The following COLEC11 variants were observed in gnomAD, a reference collection of about 807,000 sequenced individuals.
COLEC11 encodes collectin subfamily member 11.
In COLEC11, 20 loss-of-function variants were observed where a neutral mutation model predicts 27.3. The observed-to-expected ratio is 0.73, with a 90% confidence interval of 0.51 to 1.06. The LOEUF is 1.06. Ranked by LOEUF, COLEC11 falls within the 50% of genes least tolerant of loss-of-function variation. The pLI is 0.00. For synonymous variants in COLEC11, 163 were observed against 154.7 expected, an observed-to-expected ratio of 1.05 and a Z score of -0.40; for missense variants, 310 against 383.0, an observed-to-expected ratio of 0.81 and a Z score of 1.59.
intron 3 of COLEC11, among the ~76,000 whole-genome samples, chr2:3,626,745 A>G (rs1664584720): frequency 6.6e-6 from 1 of 152,248 alleles, no homozygotes; most frequent in African/African-American, 2.4e-5. Flanking sequence ...AGAGAATGGA[A>G]TATGTTTACA....
chr2:3,595,312 A>G (rs1303314996), intron 1 of COLEC11, 144 bp downstream of exon 1: 1 of 181,830 alleles, frequency 5.5e-6, no homozygotes, highest in Non-Finnish European at 1.2e-5. Context: ...GATCCAGGCA[A>G]AAGATTGAGT....
At chr2:3,624,118 G>A (rs1454867637) in intron 3 of COLEC11, among the ~76,000 whole-genome samples, 1 of 152,184 alleles carries the variant, frequency 6.6e-6, no homozygotes, top group East Asian at 1.9e-4. Context: ...GGCAGTCTAG[G>A]TGCTACTAGC....
intron 3 of COLEC11, among the ~76,000 whole-genome samples, chr2:3,615,860 C>T (rs1217816040): frequency 7.6e-6 from 1 of 131,242 alleles, no homozygotes; most frequent in East Asian, 2.1e-4. Flanking sequence ...GGGCTGCCCC[C>T]CACCTCCCTC....
chr2:3,638,067 G>C (rs1407039025), intron 4 of COLEC11, among the ~76,000 whole-genome samples: 1 of 152,222 alleles, frequency 6.6e-6, no homozygotes, highest in East Asian at 1.9e-4. Flanking sequence ...AGCGGGTGTG[G>C]GCAGCAACTA....
intron 1 of COLEC11, among the ~76,000 whole-genome samples, chr2:3,598,674 A>G (rs1030991411): frequency 2.0e-5 from 3 of 150,706 alleles, no homozygotes; most frequent in African/African-American, 7.5e-5. Flanking sequence ...GGGCACAGGC[A>G]GCGGGTGAGG....
chr2:3,630,170 T>C (rs1026471016), intron 3 of COLEC11, among the ~76,000 whole-genome samples: 16 of 152,308 alleles, frequency 1.1e-4, no homozygotes, highest in Admixed American at 5.2e-4. Flanking sequence ...TGTATGCATA[T>C]AGATGTCTGT....
chr2:3,596,903 C>A (rs1661873629), intron 1 of COLEC11, among the ~76,000 whole-genome samples: 1 of 152,262 alleles, frequency 6.6e-6, no homozygotes, highest in Admixed American at 6.5e-5. Flanking sequence ...CCTGGGTGCC[C>A]TCACCCTGTG....
At chr2:3,636,705 G>A (rs1665439778) in intron 3 of COLEC11, among the ~76,000 whole-genome samples, 1 of 152,230 alleles carries the variant, frequency 6.6e-6, no homozygotes, top group Admixed American at 6.5e-5. Flanking sequence ...ATAACCAGCA[G>A]ACAGGTAGGA....
Position 3,643,470 on chromosome 2 carries a change from C to T in COLEC11, c.355C>T (p.Arg119Cys), listed in dbSNP as rs1286607074. Reference protein sequence around the residue: ...PGLPCECSQLRKAIGEMDNQV... With the variant: ...PGLPCECSQLCKAIGEMDNQV... Reference sequence around the variant, plus strand: ...CCTCCCATGTGAGTGCAGCCAGCTGCGCAAGGCCATCGGGGAGATGGACAA... The same window carrying T: ...CCTCCCATGTGAGTGCAGCCAGCTGTGCAAGGCCATCGGGGAGATGGACAA... Residue 119 changes from arginine (R) to cysteine (C), a missense_variant, in exon 6 of 7, where the codon CGC becomes TGC. By Grantham distance (180) the Arg-to-Cys change is radical. Coordinates refer to ENST00000349077, the MANE Select transcript of COLEC11 (RefSeq NM_024027.5). 9 of 1,613,684 alleles carry T rather than the reference C, an allele frequency of 5.6e-6. No individual in the cohort carries two copies. The highest frequency in any genetic ancestry group is 3.3e-5 in the Admixed American group (2 of 60,018).
chr2:3,601,185 G>A lies in COLEC11; in HGVS notation c.-26-3130G>A, dbSNP rs573103819. On this transcript the variant is annotated intron_variant, in intron 1 of 6. Transcript: ENST00000349077. ...GCCTCGGCGTGGTGGCAGTGGAGCC[G>A]GGATTTGAGTAGGGTCGCCGTGGAC... Among the ~76,000 whole-genome samples, 8 of 152,356 alleles carry A rather than the reference G, an allele frequency of 5.3e-5. No homozygotes were observed. In the East Asian group the frequency reaches 1.5e-3, roughly 29 times the overall value.
chr2:3,607,077 C>T (rs571932762), intron 2 of COLEC11, among the ~76,000 whole-genome samples: 11 of 152,150 alleles, frequency 7.2e-5, no homozygotes, highest in Non-Finnish European at 1.6e-4. Context: ...CGCCGCCCCC[C>T]CAACCCCCAC....
At position 3,644,236 on chromosome 2, in the gene COLEC11, C is replaced by G; in HGVS notation, c.*118C>G. 7.8e-7 allele frequency: 1 copy of G among 1,278,132 alleles called. No homozygotes were observed. Among genetic ancestry groups the G allele is most frequent in the Non-Finnish European group, 1.1e-6 (1 of 896,948 alleles). The allele number at this position is 1,278,132 out of a possible 1,614,324, so 79.2% of individuals were successfully genotyped here. ...TCCCTCTGTGAAGGGTGGAGGCTCACTGAGTAGAGGGCTGTTGTCTAAACT... is the reference window on the plus strand; with the variant it reads ...TCCCTCTGTGAAGGGTGGAGGCTCAGTGAGTAGAGGGCTGTTGTCTAAACT... On this transcript the variant is annotated 3_prime_UTR_variant, in exon 7 of 7. Coordinates refer to ENST00000349077, the MANE Select transcript of COLEC11 (RefSeq NM_024027.5).
chr2:3,605,779 C>T (rs962733077), intron 2 of COLEC11: 1 of 269,282 alleles, frequency 3.7e-6, no homozygotes, highest in Non-Finnish European at 7.2e-6. Context: ...AAGACAAACC[C>T]TGCTCAGCCC....
intron 3 of COLEC11, among the ~76,000 whole-genome samples, chr2:3,635,853 G>C (rs1374808640): frequency 1.3e-5 from 2 of 152,226 alleles, no homozygotes; most frequent in African/African-American, 2.4e-5. Context: ...TGTTGTCCTG[G>C]CTCTGCCATG....
intron 2 of COLEC11, among the ~76,000 whole-genome samples, chr2:3,606,877 C>T (rs1329105303): frequency 1.3e-5 from 2 of 152,226 alleles, no homozygotes; most frequent in Non-Finnish European, 2.9e-5. Context: ...AGAGGAGAGG[C>T]AGCGTGCGGC....
intron 3 of COLEC11, among the ~76,000 whole-genome samples, chr2:3,620,673 G>T (rs1165089996): frequency 2.0e-5 from 3 of 151,820 alleles, no homozygotes; most frequent in Non-Finnish European, 2.9e-5. Context: ...CTCCATGTAG[G>T]TATTTATTGT....
chr2:3,617,652 C>T (rs1037734942), intron 3 of COLEC11: 18 of 1,611,898 alleles, frequency 1.1e-5, no homozygotes, highest in East Asian at 2.2e-5. Context: ...TCGAATTTCT[C>T]GATCTCAGCC....
chr2:3,605,109 T>C, intron 2 of COLEC11: 2 of 470,518 alleles, frequency 4.3e-6, no homozygotes, highest in South Asian at 1.6e-5. Flanking sequence ...GACCAGCTTC[T>C]ACAAAGCAGA....
Position 3,644,456 on chromosome 2 carries a change from A to T in COLEC11, c.*338A>T. The T allele has an allele frequency of 1.9e-6, 1 of 523,830 alleles. No homozygotes were observed. The allele number at this position is 523,830 out of a possible 1,614,324, so 32.4% of individuals were successfully genotyped here. A position where few individuals can be genotyped will look rare whatever the true frequency, so the allele number is the denominator to read the frequency against. ...TTTAAGTAGTGCAGTAGTTAAGTCC[A>T]AATAGTGGCAATGGGGTCTTGAATT... On this transcript the variant is annotated 3_prime_UTR_variant, in exon 7 of 7. Transcript: ENST00000349077.
Sources: allele counts gnomAD v4.1 joint callset (sites outside exome capture counted in the v4.1 genomes callset), GRCh38; gene constraint gnomAD v4.1.1; transcripts MANE v1.5; gene names NCBI Gene and HGNC (gene_info 2026-07-23, HGNC 2026-07-21).